Variants in GABRB1 observed in about 807,000 individuals in gnomAD.
GABRB1 encodes gamma-aminobutyric acid receptor subunit beta-1.
In GABRB1, 17 loss-of-function variants were observed where a neutral mutation model predicts 51.6. The ratio of observed to expected loss-of-function variants is 0.33; its 90% CI spans 0.23 to 0.49. GABRB1 has a LOEUF of 0.49. Ranked by LOEUF, GABRB1 falls within the 20% of genes least tolerant of loss-of-function variation. GABRB1 has a pLI of 0.99. For synonymous variants in GABRB1, 247 were observed against 218.9 expected (o/e 1.13, Z -1.14); for missense variants, 410 against 600.6 (o/e 0.68, Z 3.32).
At chr4:47,130,320 A>T (rs969792085) in intron 3 of GABRB1, among the ~76,000 whole-genome samples, 1 of 140,532 alleles carries the variant, frequency 7.1e-6, no homozygotes, top group Admixed American at 7.2e-5. Context: ...TCTGGGCTCC[A>T]GATACTGTGT....
chr4:47,042,720 T>C (rs956297353), intron 3 of GABRB1, among the ~76,000 whole-genome samples: 2 of 151,830 alleles, frequency 1.3e-5, no homozygotes, highest in South Asian at 2.1e-4. Context: ...TAAATAAGAA[T>C]AGTTATATTT....
intron 1 of GABRB1, among the ~76,000 whole-genome samples, chr4:47,015,073 A>G (rs1042550268): frequency 6.6e-6 from 1 of 152,026 alleles, no homozygotes; most frequent in Non-Finnish European, 1.5e-5. Flanking sequence ...CACCCGGCTA[A>G]TTTTTTGTAT....
At chr4:47,009,846 A>T (rs938306899) in intron 1 of GABRB1, among the ~76,000 whole-genome samples, 4 of 152,242 alleles carry the variant, frequency 2.6e-5, no homozygotes, top group African/African-American at 9.6e-5. Flanking sequence ...ACGGAAATAA[A>T]TAAAACCAAG....
intron 4 of GABRB1, among the ~76,000 whole-genome samples, chr4:47,191,194 A>G (rs1345888304): frequency 6.6e-6 from 1 of 152,190 alleles, no homozygotes; most frequent in Non-Finnish European, 1.5e-5. Context: ...GCCAAGGAAG[A>G]CAAATGTCTC....
At chr4:47,175,823 C>T (rs527803254) in intron 4 of GABRB1, among the ~76,000 whole-genome samples, 5 of 152,150 alleles carry the variant, frequency 3.3e-5, no homozygotes, top group Non-Finnish European at 7.4e-5. Flanking sequence ...GTCAGTACTG[C>T]TGCACTTAAA....
intron 4 of GABRB1, among the ~76,000 whole-genome samples, chr4:47,259,021 T>G (rs1488456782): frequency 6.6e-6 from 1 of 152,158 alleles, no homozygotes; most frequent in Non-Finnish European, 1.5e-5. Flanking sequence ...TGTCCATCCA[T>G]ATGCAGTTGT....
chr4:47,048,779 G>C (rs1726212804), intron 3 of GABRB1, among the ~76,000 whole-genome samples: 1 of 152,106 alleles, frequency 6.6e-6, no homozygotes, highest in Non-Finnish European at 1.5e-5. Flanking sequence ...AGGGCTGTCT[G>C]ACTTCAGAGT....
intron 3 of GABRB1, among the ~76,000 whole-genome samples, chr4:47,036,626 C>T (rs1182110766): frequency 6.6e-6 from 1 of 152,086 alleles, no homozygotes; most frequent in African/African-American, 2.4e-5. Context: ...TTTTGGGAGG[C>T]CAAGGCGAGT....
At chr4:47,389,613 T>C (rs1225071198) in intron 5 of GABRB1, among the ~76,000 whole-genome samples, 1 of 152,222 alleles carries the variant, frequency 6.6e-6, no homozygotes, top group Non-Finnish European at 1.5e-5. Flanking sequence ...CTGGCTTCCA[T>C]AGTTTATTTG....
intron 3 of GABRB1, among the ~76,000 whole-genome samples, chr4:47,151,403 A>T (rs988182378): frequency 6.6e-6 from 1 of 152,080 alleles, no homozygotes; most frequent in African/African-American, 2.4e-5. Flanking sequence ...AAAATGATAG[A>T]TTAATTTCTT....
At chr4:47,380,205 G>T (rs914869064) in intron 5 of GABRB1, among the ~76,000 whole-genome samples, 3 of 152,152 alleles carry the variant, frequency 2.0e-5, no homozygotes, top group African/African-American at 7.2e-5. Flanking sequence ...CAGAATTAAA[G>T]GTTTATTTTA....
At chr4:47,178,489 A>G (rs1028696899) in intron 4 of GABRB1, among the ~76,000 whole-genome samples, 11 of 152,018 alleles carry the variant, frequency 7.2e-5, no homozygotes, top group African/African-American at 2.4e-4. Flanking sequence ...GACTTTTGTC[A>G]TTGGATTAGT....
At chr4:47,140,493 A>G (rs1014633871) in intron 3 of GABRB1, among the ~76,000 whole-genome samples, 4 of 151,968 alleles carry the variant, frequency 2.6e-5, no homozygotes, top group Admixed American at 6.6e-5. Flanking sequence ...CTTTTTTTGT[A>G]TCTGAAAAAA....
intron 3 of GABRB1, among the ~76,000 whole-genome samples, chr4:47,044,475 G>A (rs909513578): frequency 2.0e-5 from 3 of 151,846 alleles, no homozygotes; most frequent in African/African-American, 4.8e-5. Context: ...TATAAATCTT[G>A]TGATTTACTT....
intron 3 of GABRB1, among the ~76,000 whole-genome samples, chr4:47,115,824 C>T (rs1334081655): frequency 6.6e-6 from 1 of 152,044 alleles, no homozygotes; most frequent in Admixed American, 6.6e-5. Flanking sequence ...AAAATCTTTT[C>T]CATTTCTCAT....
At chr4:47,284,223 GCATGTTAGACTTA>G (rs1438446228) in intron 4 of GABRB1, among the ~76,000 whole-genome samples, 3 of 151,734 alleles carry the variant, frequency 2.0e-5, no homozygotes, top group Non-Finnish European at 4.4e-5. Context: ...GCTGAGGTCT[GCATGTTAGACTTA>G]CAGCTCATGA....
Position 47,312,385 on chromosome 4 carries a change from AC to A in GABRB1, c.462-7739del, listed in dbSNP as rs531564369. Among the ~76,000 whole-genome samples the A allele has an allele frequency of 2.7e-5, 4 of 150,582 alleles. No individual in the cohort carries two copies. The East Asian group carries it at 7.9e-4, about 30-fold the overall frequency. On this transcript the variant is annotated intron_variant, in intron 4 of 8. Transcript: ENST00000295454. Reference sequence around the variant, plus strand: ...TATGAAGATAATGCAAATTCTTTTCACCCTATTGCACTGAGCAGTTAATGAG... The same window carrying A: ...TATGAAGATAATGCAAATTCTTTTCACCTATTGCACTGAGCAGTTAATGAG...
intron 4 of GABRB1, among the ~76,000 whole-genome samples, chr4:47,305,567 G>A (rs1177253550): frequency 6.6e-6 from 1 of 152,054 alleles, no homozygotes; most frequent in African/African-American, 2.4e-5. Flanking sequence ...TTCCTATGGG[G>A]TACTTACCAT....
intron 4 of GABRB1, 140 bp from the exon 5 acceptor site, chr4:47,319,987 C>T: frequency 1.5e-6 from 1 of 681,336 alleles, no homozygotes; most frequent in Non-Finnish European, 2.6e-6. Flanking sequence ...TATAATTATT[C>T]ATAATAGTTT....
Sources: gnomAD v4.1 joint callset for allele counts (sites outside exome capture counted in the v4.1 genomes callset) on GRCh38, gnomAD v4.1.1 for gene constraint, MANE v1.5 for transcripts, NCBI Gene and HGNC (gene_info 2026-07-23, HGNC 2026-07-21) for gene names.